COL11A1: variants seen among roughly 807,000 people sequenced by gnomAD.
COL11A1 encodes collagen alpha-1(XI) chain.
COL11A1 carries 74 observed loss-of-function variants against 265.2 expected under a neutral mutation model. The observed-to-expected ratio is 0.28, with a 90% CI of 0.23 to 0.34. The LOEUF (loss-of-function observed/expected upper bound fraction) is 0.34, where lower values mean the gene tolerates loss of function less well. COL11A1 is among the 10% of genes least tolerant of loss of function. The probability of loss-of-function intolerance (pLI) is 1.00; values close to 1 mark genes in which losing one functional copy is unlikely to be tolerated. For missense variants in COL11A1, 2,165 were observed against 2,263.6 expected, an observed-to-expected ratio of 0.96 and a Z score of 0.88; for synonymous variants, 816 against 727.6, an observed-to-expected ratio of 1.12 and a Z score of -1.96.
intron 28 of COL11A1, among the ~76,000 whole-genome samples, chr1:102,992,236 C>T (rs554387626): frequency 2.6e-4 from 40 of 151,802 alleles, no homozygotes; most frequent in African/African-American, 6.0e-4. Flanking sequence ...TAGCAAGTGA[C>T]GTATCAAGTT....
chr1:102,968,204 A>T (rs1661629763), intron 37 of COL11A1, among the ~76,000 whole-genome samples: 1 of 152,370 alleles, frequency 6.6e-6, no homozygotes, highest in South Asian at 2.1e-4. Flanking sequence ...TAGTCAAATT[A>T]TGTTTTTCAA....
intron 5 of COL11A1, among the ~76,000 whole-genome samples, chr1:103,029,394 G>A (rs761558959): frequency 1.8e-4 from 27 of 151,358 alleles, no homozygotes; most frequent in Admixed American, 3.3e-4. Flanking sequence ...ATTTATATGC[G>A]TTATCATATA....
At chr1:102,964,744 G>A (rs1241018619) in intron 38 of COL11A1, among the ~76,000 whole-genome samples, 1 of 152,110 alleles carries the variant, frequency 6.6e-6, no homozygotes, top group Non-Finnish European at 1.5e-5. Flanking sequence ...GTATTCACCT[G>A]CTTTTGCTCC....
chr1:102,979,162 T>A (rs1395988641), intron 32 of COL11A1, 58 bp from the exon 33 acceptor site: 1 of 1,480,294 alleles, frequency 6.8e-7, no homozygotes, highest in Non-Finnish European at 9.4e-7. Flanking sequence ...ATGAGCCTGG[T>A]GCTGAGACTG....
chr1:103,051,447 T>C (rs990156314), intron 4 of COL11A1, among the ~76,000 whole-genome samples: 6 of 152,208 alleles, frequency 3.9e-5, no homozygotes, highest in African/African-American at 1.4e-4. Context: ...TTTAAGCCCA[T>C]TGGGAAAGCA....
intron 54 of COL11A1, among the ~76,000 whole-genome samples, chr1:102,899,430 A>C (rs1023013052): frequency 1.3e-4 from 20 of 152,268 alleles, no homozygotes; most frequent in African/African-American, 4.6e-4. Context: ...ATGTTCATGC[A>C]TTCTTACAGG....
intron 57 of COL11A1, among the ~76,000 whole-genome samples, chr1:102,895,181 A>C (rs1652265608): frequency 6.6e-6 from 1 of 152,182 alleles, no homozygotes. Flanking sequence ...ACCAAGCAGA[A>C]ATCATTTTAA....
At chr1:102,909,079 T>G (rs1654339753) in intron 54 of COL11A1, among the ~76,000 whole-genome samples, 1 of 152,176 alleles carries the variant, frequency 6.6e-6, no homozygotes, top group African/African-American at 2.4e-5. Flanking sequence ...TGTTGAAATT[T>G]TATTCCAAAT....
intron 38 of COL11A1, 29 bp downstream of exon 38, chr1:102,965,458 T>G: frequency 6.2e-7 from 1 of 1,602,838 alleles, no homozygotes; most frequent in Non-Finnish European, 8.5e-7. Flanking sequence ...AAATAAATCT[T>G]GCTTGGGAAA....
rs550899555 is a variant in COL11A1 at position 102,883,183 on chromosome 1, A to G, written c.4971+16T>C. 2.0e-6 allele frequency: 3 copies of G among 1,532,330 alleles called. No individual in the cohort carries two copies. The highest frequency in any genetic ancestry group is 2.7e-6 in the Non-Finnish European group (3 of 1,105,686). The allele number at this position is 1,532,330 out of a possible 1,614,324, so 94.9% of individuals were successfully genotyped here. On this transcript the variant is annotated intron_variant, in intron 64 of 66. Coordinates refer to ENST00000370096, the MANE Select transcript of COL11A1 (RefSeq NM_001854.4). ...GGAACTGTCAACATTCACCACCAAA[A>G]CAGATTGGTACTTACTCCCTCAGAT... is the stretch of plus-strand genomic sequence containing the variant.
chr1:103,065,292 G>A (rs879689406), intron 4 of COL11A1, among the ~76,000 whole-genome samples: 11 of 151,906 alleles, frequency 7.2e-5, no homozygotes, highest in East Asian at 1.9e-4. Context: ...AGGCCGAGGC[G>A]GGAGGATCAC....
intron 64 of COL11A1, 40 bp from the exon 65 acceptor site, chr1:102,881,805 A>C: frequency 6.9e-7 from 1 of 1,443,692 alleles, no homozygotes; most frequent in Middle Eastern, 1.8e-4. Flanking sequence ...GTAGGTGAAA[A>C]TTTACAATAT....
chr1:103,022,106 TC>T (rs982717622), intron 8 of COL11A1, among the ~76,000 whole-genome samples: 8 of 151,652 alleles, frequency 5.3e-5, no homozygotes, highest in African/African-American at 1.9e-4. Flanking sequence ...TCCGCCCGCC[TC>T]TGCCTCCCAA....
chr1:103,082,403 G>T (rs1672485780), intron 2 of COL11A1, among the ~76,000 whole-genome samples: 1 of 151,954 alleles, frequency 6.6e-6, no homozygotes, highest in Non-Finnish European at 1.5e-5. Context: ...AACTTAGAAA[G>T]TCATTAAGGG....
Position 103,031,073 on chromosome 1 carries a change from A to G in COL11A1, c.780+43T>C, listed in dbSNP as rs758509391. ...TCAAAAACTGCACTGCGATGTCCATATCACTGAAATACGAAGACCTTCTCT... is the reference window on the plus strand; with the variant it reads ...TCAAAAACTGCACTGCGATGTCCATGTCACTGAAATACGAAGACCTTCTCT... On this transcript the variant is annotated intron_variant, in intron 5 of 66. Transcript: ENST00000370096. The G allele has an allele frequency of 4.3e-6, 7 of 1,610,828 alleles. No individual in the cohort carries two copies. The East Asian group carries it at 8.9e-5, about 21-fold the overall frequency.
At chr1:102,878,723 G>T (rs1649855870) in intron 66 of COL11A1, among the ~76,000 whole-genome samples, 1 of 151,278 alleles carries the variant, frequency 6.6e-6, no homozygotes. Context: ...TGGCCAGGCT[G>T]GTCTTGAACT....
chr1:103,008,368 AC>A, intron 15 of COL11A1, 94 bp downstream of exon 15: 1 of 1,016,668 alleles, frequency 9.8e-7, no homozygotes, highest in East Asian at 2.5e-5. Context: ...CTACTCAGGA[AC>A]AAAAAAAAAA....
At chr1:103,002,833 G>A (rs938130962) in intron 21 of COL11A1, 42 bp from the exon 22 acceptor site, 3 of 1,562,852 alleles carry the variant, frequency 1.9e-6, no homozygotes, top group Non-Finnish European at 1.8e-6. Context: ...TATATGTTTT[G>A]ATGCTAAAAC....
intron 66 of COL11A1, 105 bp from the exon 67 acceptor site, chr1:102,878,270 A>C: frequency 9.5e-7 from 1 of 1,050,514 alleles, no homozygotes; most frequent in Non-Finnish European, 1.4e-6. Context: ...CTGAGAGAGA[A>C]GAGAATAGAA....
Sources: allele counts gnomAD v4.1 joint callset (sites outside exome capture counted in the v4.1 genomes callset), GRCh38; gene constraint gnomAD v4.1.1; transcripts MANE v1.5; gene names NCBI Gene and HGNC (gene_info 2026-07-23, HGNC 2026-07-21).